The following KDM3A variants were observed in gnomAD, a reference collection of about 807,000 sequenced individuals.
KDM3A encodes lysine-specific demethylase 3A.
In KDM3A, 60 loss-of-function variants were observed where a neutral mutation model predicts 158.0. The observed-to-expected ratio is 0.38, with a 90% CI of 0.31 to 0.47. The LOEUF (loss-of-function observed/expected upper bound fraction) is 0.47. Among genes scored for constraint, KDM3A ranks in the 20% least tolerant of loss-of-function variants. The probability of loss-of-function intolerance (pLI) is 0.99; values close to 1 mark genes in which losing one functional copy is unlikely to be tolerated. For missense variants in KDM3A, 1,319 were observed against 1,574.3 expected (o/e 0.84, Z 2.74); for synonymous variants, 608 against 549.3 (o/e 1.11, Z -1.49).
intron 5 of KDM3A, among the ~76,000 whole-genome samples, chr2:86,455,693 C>A (rs1672660259): frequency 6.6e-6 from 1 of 151,688 alleles, no homozygotes; most frequent in Non-Finnish European, 1.5e-5. Flanking sequence ...GCCTGTGATC[C>A]CAGCACTTTG....
chr2:86,480,423 TGAG>T, intron 16 of KDM3A, 61 bp downstream of exon 16: 1 of 1,411,316 alleles, frequency 7.1e-7, no homozygotes, highest in Non-Finnish European at 9.8e-7. Flanking sequence ...TGGAAGGACT[TGAG>T]AGAACAGTGG....
rs151302060 is a variant in KDM3A at position 86,463,978 on chromosome 2, C to A, written c.844-75C>A. The A allele has an allele frequency of 2.5e-5, 28 of 1,135,612 alleles. No individual in the cohort carries two copies. In the African/African-American group the frequency reaches 4.1e-4, roughly 17 times the overall value. 70.3% of individuals were successfully genotyped at this position (1,135,612 alleles called of 1,614,324 possible). ...GTTTGTTTAGTATTAAGCAAATGATCTTAAATTTGGTAGCATTTTATTATT... is the reference window on the plus strand; with the variant it reads ...GTTTGTTTAGTATTAAGCAAATGATATTAAATTTGGTAGCATTTTATTATT... On this transcript the variant is annotated intron_variant, in intron 8 of 25. Coordinates refer to ENST00000312912, the MANE Select transcript of KDM3A (RefSeq NM_018433.6).
At chr2:86,439,624 T>C (rs1682575245), upstream of KDM3A, among the ~76,000 whole-genome samples, 1 of 152,104 alleles carries the variant, frequency 6.6e-6, no homozygotes, top group Non-Finnish European at 1.5e-5. Flanking sequence ...CTCCATATCT[T>C]CCCTTATATT....
In KDM3A at chr2:86,480,382, G is replaced by T. The variant is rs775091656; in HGVS notation, c.2512+20G>T. The T allele has an allele frequency of 6.3e-7, 1 of 1,595,326 alleles. No individual in the cohort carries two copies. On this transcript the variant is annotated intron_variant, in intron 16 of 25. Coordinates refer to ENST00000312912, the MANE Select transcript of KDM3A (RefSeq NM_018433.6). ...ACAAGGGTGAGTGTTTCCTGCTTTT[G>T]TGTTTGTTCTTGAGTATTTTAGTCC...
In KDM3A at chr2:86,452,195, C is replaced by CTT. The variant is rs35158232; in HGVS notation, c.453+996_453+997dup. Among the ~76,000 whole-genome samples the CTT allele has an allele frequency of 7.1e-3, 981 of 138,592 alleles. 10 individuals carry two copies. The highest frequency in any genetic ancestry group is 0.018 in the African/African-American group (677 of 37,054). 90.9% of individuals were successfully genotyped at this position (138,592 alleles called of 152,430 possible). On this transcript the variant is annotated intron_variant, in intron 4 of 25. Transcript: ENST00000312912. The stretch of plus-strand genomic sequence containing the variant: ...GTCTATTTAGTGCTGCATTTTTGTG[C>CTT]TTTTTTTTTTTTTTTGGTGATTTCA...
intron 19 of KDM3A, 32 bp from the exon 20 acceptor site, chr2:86,484,910 A>G (rs1674110183): frequency 7.5e-7 from 1 of 1,336,166 alleles, no homozygotes. Flanking sequence ...CTGAATTATA[A>G]ATAGTAATAG....
chr2:86,489,932 A>G (rs1001858149), intron 23 of KDM3A: 1 of 318,972 alleles, frequency 3.1e-6, no homozygotes, highest in Admixed American at 4.4e-5. Flanking sequence ...CTTTCAAGTT[A>G]GAAGTTAGTT....
At position 86,478,716 on chromosome 2, in the gene KDM3A, C is replaced by T. The variant is rs768827971; in HGVS notation, c.2297C>T (p.Ser766Leu). 24 of 1,613,944 alleles carry T rather than the reference C, an allele frequency of 1.5e-5. No homozygotes were observed. Among genetic ancestry groups the T allele is most frequent in the Non-Finnish European group, 2.0e-5 (24 of 1,179,896 alleles). The stretch of plus-strand genomic sequence containing the variant: ...TTCAAACTCTTTTCAAAGCCAGCCT[C>T]AAAGGAAGACCTAAAACAGGTATTT... ...RQFKLFSKPA[S>L]KEDLKQTSLA... Residue 766 changes from serine to leucine, a missense_variant, in exon 15 of 26, where the codon TCA (serine) becomes TTA (leucine). Ser to Leu is a moderately radical substitution (Grantham distance 145, BLOSUM62 -2). Around this residue, in one of 4 missense-constraint regions of KDM3A, gnomAD observed 368 missense variants for 415.8 expected, o/e 0.89. Coordinates refer to ENST00000312912, the MANE Select transcript of KDM3A (RefSeq NM_018433.6).
At chr2:86,474,570 G>C (rs1421983649) in intron 11 of KDM3A, among the ~76,000 whole-genome samples, 4 of 151,880 alleles carry the variant, frequency 2.6e-5, no homozygotes, top group African/African-American at 9.7e-5. Flanking sequence ...AGCTGAGGCA[G>C]GGAGAGTTGC....
intron 2 of KDM3A, among the ~76,000 whole-genome samples, chr2:86,448,629 A>G (rs559733228): frequency 3.0e-4 from 45 of 152,274 alleles, no homozygotes; most frequent in African/African-American, 1.1e-3. Context: ...AGGAAAGGAT[A>G]TATGAATTGT....
At chr2:86,451,368 A>G (rs1558606176) in intron 4 of KDM3A, among the ~76,000 whole-genome samples, 155 bp downstream of exon 4, 1 of 152,194 alleles carries the variant, frequency 6.6e-6, no homozygotes, top group Non-Finnish European at 1.5e-5. Flanking sequence ...ATTCCCTCCA[A>G]ACTCTACTAA....
Position 86,489,637 on chromosome 2 carries a change from A to C in KDM3A, c.3551A>C (p.Lys1184Thr). The change falls in exon 23 of 26, where the codon AAG (lysine) becomes ACG (threonine). Residue 1184 changes from lysine to threonine, a missense_variant. Physicochemically the swap from Lys to Thr is moderately conservative, Grantham distance 78. Around this residue, in one of 4 missense-constraint regions of KDM3A, gnomAD observed 186 missense variants for 340.9 expected, o/e 0.55. Transcript: ENST00000312912. ...ATATATGCTGCAAAGGACACGGAGAAGATAAGGGAATTTCTTAAAAAGGTG... is the reference window on the plus strand; with the variant it reads ...ATATATGCTGCAAAGGACACGGAGACGATAAGGGAATTTCTTAAAAAGGTG... The part of the protein sequence containing the change: ...WHIYAAKDTE[K>T]IREFLKKVSE... 3 of 1,611,496 alleles carry C rather than the reference A, an allele frequency of 1.9e-6. No individual in the cohort carries two copies. The highest frequency in any genetic ancestry group is 1.7e-6 in the Non-Finnish European group (2 of 1,179,196).
chr2:86,483,412 A>G (rs1674033633), intron 18 of KDM3A: 1 of 152,444 alleles, frequency 6.6e-6, no homozygotes, highest in African/African-American at 2.4e-5. Context: ...TTGCTCATTT[A>G]ATCATATATA....
intron 5 of KDM3A, among the ~76,000 whole-genome samples, chr2:86,456,233 A>C (rs886973285): frequency 2.0e-5 from 3 of 152,074 alleles, no homozygotes; most frequent in Admixed American, 6.6e-5. Context: ...GAATTGTCTA[A>C]TACTACTTTG....
chr2:86,463,210 A>G (rs767569868), intron 8 of KDM3A, among the ~76,000 whole-genome samples: 1 of 152,204 alleles, frequency 6.6e-6, no homozygotes, highest in Non-Finnish European at 1.5e-5. Flanking sequence ...TGGTAAGGCA[A>G]GACGATTGAG....
At chr2:86,454,426 G>A (rs1209561120) in intron 4 of KDM3A, among the ~76,000 whole-genome samples, 3 of 152,098 alleles carry the variant, frequency 2.0e-5, no homozygotes, top group African/African-American at 7.2e-5. Context: ...CATTATCAGT[G>A]GACTTTGGTG....
chr2:86,475,651 C>T lies in KDM3A; in HGVS notation c.1939+661C>T, dbSNP rs114029512. 4.1e-3 allele frequency among the ~76,000 whole-genome samples: 617 copies of T among 152,318 alleles called. 3 individuals carry two copies. The highest frequency in any genetic ancestry group is 6.7e-3 in the Non-Finnish European group (453 of 68,028). On this transcript the variant is annotated intron_variant, in intron 12 of 25. Transcript: ENST00000312912. ...CGGTGCAGCGTCTTCCTATCCATGTCCCTCTGTGGAAATGAGTTATCCAGC... is the reference window on the plus strand; with the variant it reads ...CGGTGCAGCGTCTTCCTATCCATGTTCCTCTGTGGAAATGAGTTATCCAGC...
At chr2:86,478,287 TTTTC>T (rs1304024191) in intron 14 of KDM3A, 22 bp downstream of exon 14, 2 of 1,548,302 alleles carry the variant, frequency 1.3e-6, no homozygotes, top group South Asian at 1.1e-5. Flanking sequence ...GCTGCAGTGA[TTTTC>T]TTTCCCCTTG....
At position 86,470,206 on chromosome 2, in the gene KDM3A, C is replaced by G. The variant is rs1215100409; in HGVS notation, c.1522C>G (p.Pro508Ala). The change falls in exon 11 of 26, where the codon CCA becomes GCA. Residue 508 changes from proline to alanine, a missense_variant and splice_region_variant. Physicochemically the swap from Pro to Ala is conservative, Grantham distance 27. Transcript: ENST00000312912. Reference protein sequence around the residue: ...SRSNNKIQNAPSRKSVLTDPA... With the variant: ...SRSNNKIQNAASRKSVLTDPA... ...TCCTTAATCTTTTGTTTTCCTAGCC[C>G]CATCCAGGAAGTCGGTTTTGACAGA... 11 of 1,613,724 alleles carry G rather than the reference C, an allele frequency of 6.8e-6. No homozygotes were observed. Among genetic ancestry groups the G allele is most frequent in the Admixed American group, 1.7e-5 (1 of 59,992 alleles).
Sources: allele counts gnomAD v4.1 joint callset (sites outside exome capture counted in the v4.1 genomes callset), GRCh38; gene constraint gnomAD v4.1.1; regional missense constraint gnomAD v4.1.1; transcripts MANE v1.5; gene names NCBI Gene and HGNC (gene_info 2026-07-23, HGNC 2026-07-21).